Variants in IL19 observed in about 807,000 individuals in gnomAD.
IL19 encodes interleukin-19.
A neutral mutation model predicts 19.5 loss-of-function variants in IL19; 15 were observed. The ratio of observed to expected loss-of-function variants is 0.77; its 90% CI spans 0.52 to 1.19. The LOEUF (loss-of-function observed/expected upper bound fraction) is 1.19, where lower values mean the gene tolerates loss of function less well. Among genes scored for constraint, IL19 ranks in the 50% most tolerant of loss-of-function variants. The pLI is 0.00. For synonymous variants in IL19, 78 were observed against 78.3 expected, an observed-to-expected ratio of 1.00 and a Z score of 0.02; for missense variants, 199 against 213.1, an observed-to-expected ratio of 0.93 and a Z score of 0.41.
rs531614516 is a variant in IL19 at position 206,790,306 on chromosome 1, G to C, written c.-148-8555G>C. Among the ~76,000 whole-genome samples, 5 of 152,106 alleles carry C rather than the reference G, an allele frequency of 3.3e-5. No individual in the cohort carries two copies. The South Asian group carries it at 1.0e-3, about 32-fold the overall frequency. The stretch of plus-strand genomic sequence containing the variant: ...AGGCTGAAAAATGTCATCAGGGCAC[G>C]GTCCTCTCATTGTGCCATCCTCTCA... On this transcript the variant is annotated intron_variant, in intron 1 of 6. Coordinates refer to ENST00000659997, the MANE Select transcript of IL19 (RefSeq NM_153758.5).
At chr1:206,771,226 G>T in intron 1 of IL19, 148 bp downstream of exon 1, 1 of 1,144,374 alleles carries the variant, frequency 8.7e-7, no homozygotes, top group African/African-American at 1.5e-5. Flanking sequence ...TGGATGTGCT[G>T]AGTTAACATC....
At chr1:206,771,231 A>T in intron 1 of IL19, 153 bp downstream of exon 1, 1 of 1,155,038 alleles carries the variant, frequency 8.7e-7, no homozygotes, top group Non-Finnish European at 1.3e-6. Context: ...GTGCTGAGTT[A>T]ACATCTTCCC....
intron 2 of IL19, among the ~76,000 whole-genome samples, chr1:206,820,155 C>A (rs1274598718): frequency 6.6e-6 from 1 of 152,214 alleles, no homozygotes; most frequent in Non-Finnish European, 1.5e-5. Flanking sequence ...CACTCGCCTT[C>A]CAAGCTTCAT....
intron 2 of IL19, among the ~76,000 whole-genome samples, chr1:206,807,529 C>G (rs762783414): frequency 1.2e-4 from 18 of 152,322 alleles, no homozygotes; most frequent in East Asian, 3.9e-4. Flanking sequence ...TTTCCTGGCT[C>G]CTTCTTTCTC....
intron 2 of IL19, among the ~76,000 whole-genome samples, chr1:206,823,710 C>A (rs558456575): frequency 6.6e-6 from 1 of 152,172 alleles, no homozygotes; most frequent in African/African-American, 2.4e-5. Context: ...TTTCTAATGG[C>A]TGAGAAAAGA....
intron 1 of IL19, among the ~76,000 whole-genome samples, chr1:206,792,637 A>G (rs1039520540): frequency 5.3e-5 from 8 of 152,060 alleles, no homozygotes; most frequent in Non-Finnish European, 1.0e-4. Context: ...TTGTATTTTT[A>G]GTAGAGACAG....
At chr1:206,810,803 G>A (rs1268725715) in intron 2 of IL19, among the ~76,000 whole-genome samples, 7 of 152,180 alleles carry the variant, frequency 4.6e-5, no homozygotes, top group African/African-American at 1.7e-4. Context: ...TTTGGGTCAG[G>A]GGGACAGATC....
intron 2 of IL19, among the ~76,000 whole-genome samples, chr1:206,805,017 A>C (rs1675810413): frequency 6.6e-6 from 1 of 152,194 alleles, no homozygotes. Flanking sequence ...TCATTCAAGC[A>C]CTAAATGATC....
chr1:206,777,590 G>A (rs1005591820), intron 1 of IL19, among the ~76,000 whole-genome samples: 1 of 152,104 alleles, frequency 6.6e-6, no homozygotes, highest in Non-Finnish European at 1.5e-5. Context: ...TCAGGGATCC[G>A]GGCTTGCTGG....
At chr1:206,800,204 G>A (rs1033485695) in intron 2 of IL19, among the ~76,000 whole-genome samples, 1 of 152,210 alleles carries the variant, frequency 6.6e-6, no homozygotes, top group African/African-American at 2.4e-5. Flanking sequence ...ACAAGACAAA[G>A]TCCATACCCC....
chr1:206,823,663 T>C (rs553720721), intron 2 of IL19, among the ~76,000 whole-genome samples: 1 of 152,220 alleles, frequency 6.6e-6, no homozygotes, highest in African/African-American at 2.4e-5. Flanking sequence ...TATTTTTGTG[T>C]TCTCTATAAT....
rs1227998437 is a variant in IL19 at position 206,836,943 on chromosome 1, T to C, written c.145-15T>C. On this transcript the variant is annotated splice_polypyrimidine_tract_variant and intron_variant, in intron 3 of 6. Transcript: ENST00000659997. ...TACCGATTGCTTATGTCTGTTCTTA[T>C]GTTTCCCTCCACAGCAAGCTAAGGA... The C allele has an allele frequency of 6.2e-7, 1 of 1,612,876 alleles. No individual in the cohort carries two copies. The highest frequency in any genetic ancestry group is 1.7e-5 in the Admixed American group (1 of 60,022).
intron 2 of IL19, among the ~76,000 whole-genome samples, chr1:206,823,911 G>T (rs1156372692): frequency 6.6e-6 from 1 of 152,188 alleles, no homozygotes. Flanking sequence ...AAGCCATGGG[G>T]GTGGAGGCCC....
chr1:206,782,323 T>C (rs896452857), intron 1 of IL19, among the ~76,000 whole-genome samples: 1 of 152,108 alleles, frequency 6.6e-6, no homozygotes, highest in Non-Finnish European at 1.5e-5. Flanking sequence ...CGGTCTGTTG[T>C]AATATGCCGT....
Position 206,772,261 on chromosome 1 carries a change from T to A in IL19, c.-149+1183T>A. The stretch of plus-strand genomic sequence containing the variant: ...GGAAGAGAGAAAGGACAGGAAGGAA[T>A]CATACTCACAAAGAAAGTCTTCACT... On this transcript the variant is annotated intron_variant, in intron 1 of 6. Transcript: ENST00000659997. 4 of 1,612,352 alleles carry A rather than the reference T, an allele frequency of 2.5e-6. No homozygotes were observed. The highest frequency in any genetic ancestry group is 1.7e-6 in the Non-Finnish European group (2 of 1,178,492).
intron 2 of IL19, among the ~76,000 whole-genome samples, chr1:206,802,347 A>T (rs904369517): frequency 6.6e-6 from 1 of 152,144 alleles, no homozygotes; most frequent in Non-Finnish European, 1.5e-5. Context: ...ACAGAATTAT[A>T]TTATTCATAA....
chr1:206,780,668 A>G (rs1675109379), intron 1 of IL19, among the ~76,000 whole-genome samples: 1 of 152,218 alleles, frequency 6.6e-6, no homozygotes. Flanking sequence ...TAAATGGGCA[A>G]ACAGAGGCCT....
intron 1 of IL19, among the ~76,000 whole-genome samples, chr1:206,795,094 A>G (rs1675492160): frequency 6.6e-6 from 1 of 152,150 alleles, no homozygotes; most frequent in African/African-American, 2.4e-5. Context: ...TCTCCACACA[A>G]AAAGCTTAGG....
chr1:206,797,796 G>A (rs937257558), intron 1 of IL19, among the ~76,000 whole-genome samples: 5 of 152,170 alleles, frequency 3.3e-5, no homozygotes, highest in African/African-American at 4.8e-5. Context: ...AGAAGGTGTC[G>A]TGGTTGGCAG....
Sources: allele counts gnomAD v4.1 joint callset (sites outside exome capture counted in the v4.1 genomes callset), GRCh38; gene constraint gnomAD v4.1.1; transcripts MANE v1.5; gene names NCBI Gene and HGNC (gene_info 2026-07-23, HGNC 2026-07-21).